FAM184A: variants seen among roughly 807,000 people sequenced by gnomAD.
FAM184A encodes the protein family with sequence similarity 184 member A.
In FAM184A, 99 loss-of-function variants were observed where a neutral mutation model predicts 143.8. The observed-to-expected ratio is 0.69, with a 90% CI of 0.58 to 0.81. The LOEUF (loss-of-function observed/expected upper bound fraction) is 0.81. FAM184A is among the 40% of genes least tolerant of loss of function. The pLI is 0.00. For missense variants in FAM184A, 1,217 were observed against 1,310.5 expected (o/e 0.93, Z 1.10); for synonymous variants, 427 against 446.4 (o/e 0.96, Z 0.55).
intron 1 of FAM184A, among the ~76,000 whole-genome samples, chr6:119,043,309 AG>A (rs1786413508): frequency 6.6e-6 from 1 of 152,232 alleles, no homozygotes; most frequent in South Asian, 2.1e-4. Flanking sequence ...GAAAATGAGA[AG>A]GTCACATAAG....
intron 1 of FAM184A, among the ~76,000 whole-genome samples, chr6:119,038,267 C>A (rs933924332): frequency 6.6e-6 from 1 of 152,148 alleles, no homozygotes; most frequent in Non-Finnish European, 1.5e-5. Context: ...GGATGCTGGA[C>A]ACAGAGTGTC....
chr6:119,071,482 C>G (rs917456921), intron 1 of FAM184A, among the ~76,000 whole-genome samples: 3 of 152,108 alleles, frequency 2.0e-5, no homozygotes, highest in African/African-American at 7.2e-5. Flanking sequence ...ACACAATAAA[C>G]CTCTGTTACA....
chr6:119,036,212 G>A (rs1420587160), intron 1 of FAM184A, among the ~76,000 whole-genome samples: 4 of 31,932 alleles, frequency 1.3e-4, no homozygotes, highest in African/African-American at 6.0e-4. Flanking sequence ...CCTCGGTCCA[G>A]TGTCTTTTTT....
upstream of FAM184A, among the ~76,000 whole-genome samples, chr6:119,081,584 C>T (rs1269797485): frequency 6.6e-6 from 1 of 152,206 alleles, no homozygotes; most frequent in Non-Finnish European, 1.5e-5. Flanking sequence ...CTTTCTATAT[C>T]CTGGGGTTCT....
intron 1 of FAM184A, among the ~76,000 whole-genome samples, chr6:119,100,154 T>C (rs994872098): frequency 6.6e-6 from 1 of 151,600 alleles, no homozygotes; most frequent in Non-Finnish European, 1.5e-5. Context: ...GGTGTGAGAG[T>C]ATGGTGGGAG....
At chr6:119,004,411 C>A (rs1301970924) in intron 7 of FAM184A, among the ~76,000 whole-genome samples, 1 of 152,192 alleles carries the variant, frequency 6.6e-6, no homozygotes, top group Non-Finnish European at 1.5e-5. Context: ...AAAAACAAGC[C>A]AATGTTGAAA....
Position 118,986,109 on chromosome 6 carries a change from C to T in FAM184A, c.2089-5759G>A, listed in dbSNP as rs181967465. On this transcript the variant is annotated intron_variant, in intron 9 of 17. Coordinates refer to ENST00000338891, the MANE Select transcript of FAM184A (RefSeq NM_024581.6). ...GAGATCGAGACCATCCTGGCTAACACGGTGAAACCCCGTCTCTACTAAATA... is the reference window on the plus strand; with the variant it reads ...GAGATCGAGACCATCCTGGCTAACATGGTGAAACCCCGTCTCTACTAAATA... 1.8e-3 allele frequency among the ~76,000 whole-genome samples: 276 copies of T among 152,084 alleles called. 1 individual carries two copies. Among genetic ancestry groups the T allele is most frequent in the African/African-American group, 6.3e-3 (261 of 41,490 alleles).
At chr6:119,068,100 G>A (rs1353191159) in intron 1 of FAM184A, among the ~76,000 whole-genome samples, 1 of 142,852 alleles carries the variant, frequency 7.0e-6, no homozygotes, top group African/African-American at 2.6e-5. Context: ...AGGCTGGAGT[G>A]CAGTGGCGCA....
At chr6:119,093,970 T>TTTCC (rs552513253) in intron 1 of FAM184A, among the ~76,000 whole-genome samples, 26 of 151,748 alleles carry the variant, frequency 1.7e-4, no homozygotes, top group Non-Finnish European at 2.9e-4. Flanking sequence ...TTCATCTTTT[T>TTTCC]TTCCTTCCTT....
chr6:118,977,403 G>A (rs1783878426), intron 11 of FAM184A, among the ~76,000 whole-genome samples: 1 of 152,108 alleles, frequency 6.6e-6, no homozygotes, highest in Admixed American at 6.6e-5. Context: ...GCAACATGGT[G>A]AAACCCTGCC....
At chr6:119,144,258 T>C (rs1356747958) in intron 1 of FAM184A, among the ~76,000 whole-genome samples, 10 of 143,290 alleles carry the variant, frequency 7.0e-5, no homozygotes, top group African/African-American at 1.8e-4. Flanking sequence ...GGCGTGAACC[T>C]GGGAGGCGGA....
intron 1 of FAM184A, among the ~76,000 whole-genome samples, chr6:119,061,420 A>G (rs1787232337): frequency 6.6e-6 from 1 of 151,902 alleles, no homozygotes; most frequent in African/African-American, 2.4e-5. Flanking sequence ...CAGTGATGCA[A>G]TCACAGCTCA....
intron 1 of FAM184A, among the ~76,000 whole-genome samples, chr6:119,051,438 GA>G (rs1162768656): frequency 4.0e-5 from 6 of 151,886 alleles, no homozygotes; most frequent in African/African-American, 1.4e-4. Flanking sequence ...GGTACCAAAA[GA>G]AAAAAATGAA....
chr6:119,122,602 G>A (rs1789248315), intron 1 of FAM184A, among the ~76,000 whole-genome samples: 1 of 152,126 alleles, frequency 6.6e-6, no homozygotes, highest in Non-Finnish European at 1.5e-5. Context: ...GCACAACTGA[G>A]CTTCCTGCTT....
intron 1 of FAM184A, among the ~76,000 whole-genome samples, chr6:119,029,206 C>T (rs1053076123): frequency 7.9e-5 from 12 of 152,118 alleles, no homozygotes; most frequent in Non-Finnish European, 1.5e-4. Context: ...AAAGAGAGAA[C>T]TAAGTCACAT....
intron 9 of FAM184A, among the ~76,000 whole-genome samples, chr6:118,984,962 G>A (rs999626671): frequency 6.6e-6 from 1 of 152,114 alleles, no homozygotes; most frequent in African/African-American, 2.4e-5. Context: ...AAAAATACAG[G>A]AACATATAAA....
At chr6:119,141,381 C>T (rs1421132200) in intron 1 of FAM184A, among the ~76,000 whole-genome samples, 1 of 152,222 alleles carries the variant, frequency 6.6e-6, no homozygotes, top group African/African-American at 2.4e-5. Flanking sequence ...TCGAGTGCAG[C>T]GTTGGCACCA....
intron 1 of FAM184A, among the ~76,000 whole-genome samples, chr6:119,121,930 T>C (rs753568170): frequency 2.0e-5 from 3 of 152,180 alleles, no homozygotes; most frequent in Non-Finnish European, 2.9e-5. Flanking sequence ...TTTATTTACT[T>C]GTTTGTTTCT....
chr6:118,969,895 G>C (rs1010198293), intron 14 of FAM184A, among the ~76,000 whole-genome samples: 7 of 141,594 alleles, frequency 4.9e-5, no homozygotes, highest in African/African-American at 1.6e-4. Flanking sequence ...AGAACATGTG[G>C]AGTTTGGTTT....
Sources: gnomAD v4.1 joint callset for allele counts (sites outside exome capture counted in the v4.1 genomes callset) on GRCh38, gnomAD v4.1.1 for gene constraint, MANE v1.5 for transcripts, NCBI Gene and HGNC (gene_info 2026-07-23, HGNC 2026-07-21) for gene names.